The following RNF145 variants were observed in gnomAD, a reference collection of about 807,000 sequenced individuals.
RNF145 encodes the protein ring finger protein 145.
In RNF145, 12 loss-of-function variants were observed where a neutral mutation model predicts 57.3. That is an observed-to-expected ratio of 0.21 (90% CI 0.13 to 0.34). RNF145 has a LOEUF of 0.34. Among genes scored for constraint, RNF145 ranks in the 10% least tolerant of loss-of-function variants. The probability of loss-of-function intolerance (pLI) is 1.00; values close to 1 mark genes in which losing one functional copy is unlikely to be tolerated. For synonymous variants in RNF145, 262 were observed against 288.3 expected (o/e 0.91, Z 0.92); for missense variants, 429 against 799.0 (o/e 0.54, Z 5.58).
intron 1 of RNF145, 36 bp from the exon 2 acceptor site, chr5:159,203,692 A>G: frequency 7.0e-7 from 1 of 1,438,078 alleles, no homozygotes; most frequent in South Asian, 1.3e-5. Flanking sequence ...AAAAATAAAA[A>G]GTCAACACAA....
chr5:159,174,974 CT>C (rs1272519811), intron 5 of RNF145, among the ~76,000 whole-genome samples: 1 of 152,174 alleles, frequency 6.6e-6, no homozygotes, highest in African/African-American at 2.4e-5. Context: ...AGGAATTCTG[CT>C]GGACAGCTTA....
chr5:159,209,591 C>T (rs555625249), upstream of RNF145: 995 of 1,036,140 alleles, frequency 9.6e-4, 10 homozygotes, highest in African/African-American at 0.015. Context: ...TGCGCCTGCG[C>T]GCGGCCCAGC....
intron 3 of RNF145, among the ~76,000 whole-genome samples, chr5:159,183,197 T>C (rs1334202500): frequency 6.6e-6 from 1 of 152,192 alleles, no homozygotes; most frequent in Non-Finnish European, 1.5e-5. Context: ...TTCTAACACA[T>C]AATGTATTAA....
intron 6 of RNF145, among the ~76,000 whole-genome samples, chr5:159,172,348 GC>G (rs1482144956): frequency 6.6e-6 from 1 of 152,098 alleles, no homozygotes; most frequent in Non-Finnish European, 1.5e-5. Context: ...AGGTGTGGTG[GC>G]GCATGCCTGT....
intron 4 of RNF145, among the ~76,000 whole-genome samples, chr5:159,178,063 G>A (rs1168173130): frequency 6.6e-6 from 1 of 151,934 alleles, no homozygotes; most frequent in East Asian, 1.9e-4. Context: ...ATAAAAGTAT[G>A]TATTGAAAAT....
chr5:159,177,554 G>C (rs1252688103), intron 4 of RNF145, among the ~76,000 whole-genome samples: 2 of 151,972 alleles, frequency 1.3e-5, no homozygotes, highest in Non-Finnish European at 2.9e-5. Flanking sequence ...CATGATATTT[G>C]CATTTAGCCC....
At chr5:159,209,876 T>A, upstream of RNF145, 13 of 1,536,046 alleles carry the variant, frequency 8.5e-6, no homozygotes, top group Non-Finnish European at 1.1e-5. Flanking sequence ...GTGGGAGAAT[T>A]TGAAGGGCTG....
At chr5:159,182,914 T>C (rs1387699704) in intron 3 of RNF145, among the ~76,000 whole-genome samples, 1 of 152,140 alleles carries the variant, frequency 6.6e-6, no homozygotes, top group Non-Finnish European at 1.5e-5. Context: ...AAGAGAACAT[T>C]TCAAGTATTT....
At chr5:159,181,089 A>G (rs1290785425) in intron 4 of RNF145, among the ~76,000 whole-genome samples, 1 of 151,054 alleles carries the variant, frequency 6.6e-6, no homozygotes, top group African/African-American at 2.4e-5. Flanking sequence ...TATCTAAAAA[A>G]TGTTTTCCCA....
At chr5:159,209,668 GCAC>G, upstream of RNF145, 2 of 952,476 alleles carry the variant, frequency 2.1e-6, no homozygotes, top group Non-Finnish European at 2.8e-6. Context: ...AGTGCTTTCC[GCAC>G]CGCCTCCGGT....
rs151120927 is a variant in RNF145, at chr5:159,208,204, G to A, written c.-40+1027C>T. On this transcript the variant is annotated intron_variant, in intron 1 of 10. Transcript: ENST00000424310. Reference sequence around the variant, plus strand: ...CAGCTCGCGGCAAGCAGGCAGCGCAGCAGCAGTAGCAGCAGCAACCGGGCC... The same window carrying A: ...CAGCTCGCGGCAAGCAGGCAGCGCAACAGCAGTAGCAGCAGCAACCGGGCC... 1.3e-4 allele frequency: 176 copies of A among 1,304,974 alleles called. 2 individuals are homozygous for A. The East Asian group carries it at 4.5e-3, about 34-fold the overall frequency. 80.8% of individuals were successfully genotyped at this position (1,304,974 alleles called of 1,614,324 possible).
chr5:159,209,019 T>G, intron 1 of RNF145, among the ~76,000 whole-genome samples: 1 of 147,636 alleles, frequency 6.8e-6, no homozygotes, highest in Non-Finnish European at 1.5e-5. Context: ...CGGGAAGAGC[T>G]AGAGGATGGG....
rs531827058 is a variant in RNF145 at position 159,173,104 on chromosome 5, C to T, written c.797+879G>A. On this transcript the variant is annotated intron_variant, in intron 6 of 10. Coordinates refer to ENST00000424310, the MANE Select transcript of RNF145 (RefSeq NM_001199383.2). ...TAAAAAGACAAAACAAAACAAAAAC[C>T]CCTAAATATTAAAAACCGAGTCTTA... Among the ~76,000 whole-genome samples, 268 of 152,188 alleles carry T rather than the reference C, an allele frequency of 1.8e-3. 1 individual carries two copies. Among genetic ancestry groups the T allele is most frequent in the Non-Finnish European group, 2.5e-3 (172 of 67,992 alleles).
rs534299588 is a variant in RNF145, at chr5:159,163,007, A to G, written c.1194T>C (p.Tyr398=). 5.6e-6 allele frequency: 9 copies of G among 1,612,928 alleles called. No homozygotes were observed. In the Admixed American group the frequency reaches 8.4e-5, roughly 15 times the overall value. Residue 398 remains tyrosine (Y), a synonymous_variant, in exon 9 of 11, where the codon TAT becomes TAC. Coordinates refer to ENST00000424310, the MANE Select transcript of RNF145 (RefSeq NM_001199383.2). ...FLLVFPAYMA[Y]MICQFFHMDF... ...CCATGTGGAAAAACTGGCAAATCAT[A>G]TAAGCCATATAAGCAGGGAATACCA...
At chr5:159,179,371 T>G (rs2113148221) in intron 4 of RNF145, among the ~76,000 whole-genome samples, 1 of 152,126 alleles carries the variant, frequency 6.6e-6, no homozygotes, top group East Asian at 1.9e-4. Flanking sequence ...ATGTACTCTT[T>G]AGATTTCAGG....
chr5:159,182,123 G>C, intron 3 of RNF145, 72 bp from the exon 4 acceptor site: 1 of 902,076 alleles, frequency 1.1e-6, no homozygotes, highest in South Asian at 1.6e-5. Flanking sequence ...GCTTATAAAA[G>C]CATATTATGT....
chr5:159,201,968 G>A lies in RNF145; in HGVS notation c.184+1466C>T, dbSNP rs192972670. On this transcript the variant is annotated intron_variant, in intron 2 of 10. Coordinates refer to ENST00000424310, the MANE Select transcript of RNF145 (RefSeq NM_001199383.2). ...AACAGGAGCATTACATAAACACTATGTAATATTTTGACAAAGGTAACTCCA... is the reference window on the plus strand; with the variant it reads ...AACAGGAGCATTACATAAACACTATATAATATTTTGACAAAGGTAACTCCA... Among the ~76,000 whole-genome samples the A allele has an allele frequency of 1.2e-3, 177 of 152,260 alleles. 1 individual carries two copies. The highest frequency in any genetic ancestry group is 4.0e-3 in the African/African-American group (167 of 41,560).
At chr5:159,171,465 T>A (rs1784554986) in intron 6 of RNF145, among the ~76,000 whole-genome samples, 2 of 152,106 alleles carry the variant, frequency 1.3e-5, no homozygotes, top group African/African-American at 4.8e-5. Context: ...TTCTCTTATT[T>A]TAGAAAAAAA....
intron 4 of RNF145, among the ~76,000 whole-genome samples, chr5:159,179,431 T>A (rs1304090036): frequency 6.6e-6 from 1 of 152,112 alleles, no homozygotes; most frequent in African/African-American, 2.4e-5. Context: ...TAAGAAATCA[T>A]GGCATATTAA....
Sources: allele counts gnomAD v4.1 joint callset (sites outside exome capture counted in the v4.1 genomes callset), GRCh38; gene constraint gnomAD v4.1.1; transcripts MANE v1.5; gene names NCBI Gene and HGNC (gene_info 2026-07-23, HGNC 2026-07-21).